AGBL4: variants seen among roughly 807,000 people sequenced by gnomAD.
AGBL4 encodes the protein cytosolic carboxypeptidase 6.
A neutral mutation model predicts 66.4 loss-of-function variants in AGBL4; 58 were observed. The observed-to-expected ratio is 0.87, with a 90% CI of 0.71 to 1.09. The LOEUF (loss-of-function observed/expected upper bound fraction) is 1.09. Among genes scored for constraint, AGBL4 ranks in the 50% least tolerant of loss-of-function variants. The pLI, the probability that AGBL4 is intolerant of heterozygous loss-of-function variation, is 0.00. For missense variants in AGBL4, 579 were observed against 631.0 expected, an observed-to-expected ratio of 0.92 and a Z score of 0.88; for synonymous variants, 234 against 222.9, an observed-to-expected ratio of 1.05 and a Z score of -0.44.
chr1:49,486,733 C>A (rs1393491033), intron 3 of AGBL4, among the ~76,000 whole-genome samples: 1 of 152,018 alleles, frequency 6.6e-6, no homozygotes, highest in Non-Finnish European at 1.5e-5. Flanking sequence ...GTAATCATTC[C>A]TCACATGATG....
intron 2 of AGBL4, among the ~76,000 whole-genome samples, chr1:49,713,569 G>C (rs987859959): frequency 6.6e-6 from 1 of 151,744 alleles, no homozygotes; most frequent in Admixed American, 6.6e-5. Context: ...TAGCTTTTAT[G>C]TATTAAGAAA....
chr1:49,085,158 C>CA (rs1644882048), intron 4 of AGBL4, among the ~76,000 whole-genome samples: 2 of 152,036 alleles, frequency 1.3e-5, no homozygotes, highest in Non-Finnish European at 2.9e-5. Context: ...AACAAAAAAG[C>CA]AGGAGAGCAA....
At chr1:49,887,233 G>A (rs998643378) in intron 1 of AGBL4, among the ~76,000 whole-genome samples, 2 of 148,058 alleles carry the variant, frequency 1.4e-5, no homozygotes, top group African/African-American at 5.0e-5. Flanking sequence ...TATATACATT[G>A]TATATATATG....
At chr1:49,092,121 C>G (rs1645013717) in intron 4 of AGBL4, among the ~76,000 whole-genome samples, 2 of 152,036 alleles carry the variant, frequency 1.3e-5, no homozygotes, top group African/African-American at 2.4e-5. Flanking sequence ...ACCAAACCCC[C>G]ACAACACGCA....
chr1:49,234,154 G>T (rs1650535806), intron 4 of AGBL4, among the ~76,000 whole-genome samples: 1 of 152,168 alleles, frequency 6.6e-6, no homozygotes, highest in South Asian at 2.1e-4. Context: ...TGATCCATTA[G>T]ATATCTTATG....
intron 2 of AGBL4, among the ~76,000 whole-genome samples, chr1:49,763,745 G>A (rs1232367270): frequency 6.6e-6 from 1 of 152,134 alleles, no homozygotes; most frequent in Admixed American, 6.5e-5. Flanking sequence ...GAGCTGCCTG[G>A]TGTCTTTCTA....
intron 4 of AGBL4, among the ~76,000 whole-genome samples, chr1:49,126,463 A>G (rs1323625121): frequency 1.3e-5 from 2 of 152,146 alleles, no homozygotes; most frequent in African/African-American, 2.4e-5. Context: ...GATAGAGACA[A>G]AGGAATTAAA....
chr1:48,694,177 A>G (rs970657935), intron 6 of AGBL4, among the ~76,000 whole-genome samples: 3 of 151,934 alleles, frequency 2.0e-5, no homozygotes, highest in African/African-American at 7.3e-5. Flanking sequence ...GTCCTGGTGC[A>G]CAAACGAGCG....
At chr1:49,714,984 T>C (rs1202267455) in intron 2 of AGBL4, among the ~76,000 whole-genome samples, 2 of 152,162 alleles carry the variant, frequency 1.3e-5, no homozygotes, top group Admixed American at 1.3e-4. Context: ...TTTTCAATTA[T>C]ACTTTAAGTT....
At chr1:49,832,217 A>T (rs962239435) in intron 2 of AGBL4, among the ~76,000 whole-genome samples, 1 of 151,290 alleles carries the variant, frequency 6.6e-6, no homozygotes, top group African/African-American at 2.4e-5. Flanking sequence ...TCATTGTTCA[A>T]TTCCCACCTA....
chr1:48,931,890 C>T lies in AGBL4; in HGVS notation c.595-64660G>A, dbSNP rs189690303. 1.4e-3 allele frequency among the ~76,000 whole-genome samples: 212 copies of T among 152,210 alleles called. 1 individual carries two copies. Among genetic ancestry groups the T allele is most frequent in the African/African-American group, 4.8e-3 (198 of 41,528 alleles). On this transcript the variant is annotated intron_variant, in intron 5 of 13. Coordinates refer to ENST00000371839, the MANE Select transcript of AGBL4 (RefSeq NM_032785.4). ...TTCATTTGTTGGCTGAGTGACTGAA[C>T]GAATGTGGTTACCTTCCTTTCCTCC...
intron 3 of AGBL4, among the ~76,000 whole-genome samples, chr1:49,433,105 C>A (rs1242572415): frequency 6.6e-6 from 1 of 152,234 alleles, no homozygotes; most frequent in East Asian, 1.9e-4. Flanking sequence ...CCTTTTCTCC[C>A]ACACCTTGCC....
At chr1:48,530,321 A>G (rs901574225), downstream of AGBL4, among the ~76,000 whole-genome samples, 15 of 152,174 alleles carry the variant, frequency 9.9e-5, no homozygotes, top group African/African-American at 3.4e-4. Flanking sequence ...ATCTAGAACT[A>G]CACCTGACAC....
At chr1:48,628,949 C>T (rs1477828161) in intron 9 of AGBL4, among the ~76,000 whole-genome samples, 1 of 108,826 alleles carries the variant, frequency 9.2e-6, no homozygotes, top group African/African-American at 3.4e-5. Flanking sequence ...GCCTTCTCAT[C>T]AGATTGTAAG....
chr1:48,781,251 C>T (rs919871218), intron 6 of AGBL4, among the ~76,000 whole-genome samples: 2 of 152,222 alleles, frequency 1.3e-5, no homozygotes, highest in African/African-American at 2.4e-5. Flanking sequence ...CATAGATCCA[C>T]AGAATCGATT....
intron 2 of AGBL4, among the ~76,000 whole-genome samples, chr1:49,825,660 CAATCAGTTGA>C (rs1489359306): frequency 6.6e-6 from 1 of 152,112 alleles, no homozygotes; most frequent in Non-Finnish European, 1.5e-5. Flanking sequence ...AGACCTCATC[CAATCAGTTGA>C]AGACTTGAAT....
intron 5 of AGBL4, among the ~76,000 whole-genome samples, chr1:48,943,941 AC>A (rs1172353223): frequency 6.6e-6 from 1 of 152,206 alleles, no homozygotes; most frequent in Non-Finnish European, 1.5e-5. Context: ...GGTAAAGACA[AC>A]AGAACAATAG....
chr1:49,983,421 G>A (rs949234862), intron 1 of AGBL4, among the ~76,000 whole-genome samples: 4 of 152,230 alleles, frequency 2.6e-5, no homozygotes, highest in African/African-American at 7.2e-5. Flanking sequence ...ATGCCTGGCT[G>A]TGCACAGTGG....
chr1:49,590,425 C>T (rs1288067603), intron 3 of AGBL4, among the ~76,000 whole-genome samples: 1 of 149,898 alleles, frequency 6.7e-6, no homozygotes, highest in Non-Finnish European at 1.5e-5. Context: ...GTCCCTGGCA[C>T]AAGGGCACTA....
Sources: gnomAD v4.1 joint callset for allele counts (sites outside exome capture counted in the v4.1 genomes callset) on GRCh38, gnomAD v4.1.1 for gene constraint, MANE v1.5 for transcripts, NCBI Gene and HGNC (gene_info 2026-07-23, HGNC 2026-07-21) for gene names.